PLEKHH1: variants seen among roughly 807,000 people sequenced by gnomAD.
The protein encoded by PLEKHH1 is pleckstrin homology domain-containing family H member 1.
PLEKHH1 carries 104 observed loss-of-function variants against 160.0 expected under a neutral mutation model. The observed-to-expected ratio is 0.65, with a 90% CI of 0.55 to 0.76. The LOEUF is 0.76. PLEKHH1 is among the 30% of genes least tolerant of loss of function. The pLI is 0.00. For missense variants in PLEKHH1, 1,427 were observed against 1,724.1 expected (o/e 0.83, Z 3.05); for synonymous variants, 619 against 678.4 (o/e 0.91, Z 1.36).
rs76397066 is a variant in PLEKHH1 at position 67,543,791 on chromosome 14, A to C, written c.126+1798A>C. Among the ~76,000 whole-genome samples the C allele has an allele frequency of 4.6e-3, 682 of 146,764 alleles. 16 individuals carry two copies. In the East Asian group the frequency reaches 0.063, roughly 14 times the overall value. ...TGGACAACAAAATAACAAAAAAAAAACCCACTATGAATCACCTGGAAATAC... is the reference window on the plus strand; with the variant it reads ...TGGACAACAAAATAACAAAAAAAAACCCCACTATGAATCACCTGGAAATAC... On this transcript the variant is annotated intron_variant, in intron 2 of 28. Coordinates refer to ENST00000329153, the MANE Select transcript of PLEKHH1 (RefSeq NM_020715.3).
At chr14:67,538,386 T>C (rs1250877149) in intron 1 of PLEKHH1, among the ~76,000 whole-genome samples, 1 of 152,242 alleles carries the variant, frequency 6.6e-6, no homozygotes, top group African/African-American at 2.4e-5. Flanking sequence ...TTGTGACTAA[T>C]TGTGTTCGTC....
At chr14:67,553,879 T>G (rs899926895) in intron 2 of PLEKHH1, among the ~76,000 whole-genome samples, 2 of 152,108 alleles carry the variant, frequency 1.3e-5, no homozygotes, top group South Asian at 4.1e-4. Flanking sequence ...TCAGCTTCCA[T>G]CTAGAGGTTT....
chr14:67,563,815 C>T (rs1168148033), intron 7 of PLEKHH1, among the ~76,000 whole-genome samples: 1 of 150,934 alleles, frequency 6.6e-6, no homozygotes, highest in Non-Finnish European at 1.5e-5. Flanking sequence ...CTCACTGCAA[C>T]CTCCGCCTCC....
At position 67,574,378 on chromosome 14, in the gene PLEKHH1, C is replaced by T. The variant is rs1173550083; in HGVS notation, c.2063C>T (p.Pro688Leu). Residue 688 changes from proline (P) to leucine (L), a missense_variant, in exon 14 of 29, where the codon CCC (proline) becomes CTC (leucine). Pro to Leu is a moderately conservative substitution (Grantham distance 98). Transcript: ENST00000329153. The surrounding 1 kb of genome is among the most constrained non-coding windows in gnomAD (Gnocchi z 4.2). The part of the protein sequence containing the change: ...PPALLRGGTK[P>L]TVKGWLTKVK... ...GCTCTGCTTCGGGGTGGCACCAAGC[C>T]CACCGTGAAGGGCTGGCTGACCAAG... The T allele has an allele frequency of 6.3e-7, 1 of 1,586,802 alleles. No individual in the cohort carries two copies. Among genetic ancestry groups the T allele is most frequent in the South Asian group, 1.2e-5 (1 of 86,882 alleles).
In PLEKHH1 at chr14:67,576,005, G is replaced by A. The variant is rs1352275344; in HGVS notation, c.2352G>A (p.Lys784=). ...TCCTCATTGGCACCAAGCATGAAAA[G>A]GTAAGGAAGAGGGCTGGGCCTCCAG... ...TYLLIGTKHE[K]DTWLYHLTVA... The change falls in exon 16 of 29, where the codon AAG becomes AAA. Residue 784 remains lysine, a splice_region_variant and synonymous_variant. Coordinates refer to ENST00000329153, the MANE Select transcript of PLEKHH1 (RefSeq NM_020715.3). This position sits in a 1 kb window ranked among gnomAD's most constrained non-coding sequence, Gnocchi z 4.0. 4 of 1,607,038 alleles carry A rather than the reference G, an allele frequency of 2.5e-6. No homozygotes were observed. Among genetic ancestry groups the A allele is most frequent in the Non-Finnish European group, 3.4e-6 (4 of 1,174,738 alleles).
chr14:67,538,158 C>T (rs2033814864), intron 1 of PLEKHH1, among the ~76,000 whole-genome samples: 1 of 152,100 alleles, frequency 6.6e-6, no homozygotes, highest in African/African-American at 2.4e-5. Context: ...GCTCACTTCC[C>T]CTCTCTCATT....
intron 22 of PLEKHH1, among the ~76,000 whole-genome samples, chr14:67,580,533 A>C (rs1366553555): frequency 2.0e-5 from 3 of 152,268 alleles, no homozygotes; most frequent in Non-Finnish European, 1.5e-5. Flanking sequence ...AAACTATGCC[A>C]CATACCTTCT....
chr14:67,579,313 T>G lies in PLEKHH1; in HGVS notation c.3027+2T>G. On this transcript the variant is annotated splice_donor_variant, in intron 21 of 28. Transcript: ENST00000329153. LOFTEE classifies it high-confidence loss of function. ...CACTTTACCAACGGGACTTACCATGTGAGGAGCTGGGCGTGCTCTTTGCCC... is the reference window on the plus strand; with the variant it reads ...CACTTTACCAACGGGACTTACCATGGGAGGAGCTGGGCGTGCTCTTTGCCC... 1 of 1,513,268 alleles carries G rather than the reference T, an allele frequency of 6.6e-7. No individual in the cohort carries two copies. The highest frequency in any genetic ancestry group is 8.8e-7 in the Non-Finnish European group (1 of 1,132,360). The allele number at this position is 1,513,268 out of a possible 1,614,324, so 93.7% of individuals were successfully genotyped here. A position where few individuals can be genotyped will look rare whatever the true frequency, so the allele number is the denominator to read the frequency against.
intron 24 of PLEKHH1, among the ~76,000 whole-genome samples, chr14:67,583,503 T>C (rs1211460480): frequency 6.6e-6 from 1 of 152,226 alleles, no homozygotes. Flanking sequence ...GAAAAGGCAC[T>C]TCACCTCAGC....
chr14:67,577,698 C>A (rs1442263242), intron 18 of PLEKHH1, among the ~76,000 whole-genome samples: 1 of 152,184 alleles, frequency 6.6e-6, no homozygotes, highest in Non-Finnish European at 1.5e-5. Context: ...GTTTATGTTG[C>A]TTCTGGACTG....
chr14:67,546,761 G>C (rs2034198278), intron 2 of PLEKHH1, among the ~76,000 whole-genome samples: 3 of 152,194 alleles, frequency 2.0e-5, no homozygotes, highest in Admixed American at 2.0e-4. Context: ...CAGTGACTTA[G>C]AGGCCAAGGT....
intron 2 of PLEKHH1, among the ~76,000 whole-genome samples, chr14:67,544,584 A>G (rs1345660997): frequency 1.3e-5 from 2 of 152,260 alleles, no homozygotes; most frequent in Non-Finnish European, 2.9e-5. Context: ...TTGGCAAGAG[A>G]CTATGAAATA....
Position 67,578,332 on chromosome 14 carries a change from A to G in PLEKHH1, c.2751+133A>G, listed in dbSNP as rs1382062629. ...GGGCAGCCTCTGTGCTCCAAGCTGC[A>G]TCAGTACGGCTGAGCTGTCTATGCA... On this transcript the variant is annotated intron_variant, in intron 19 of 28. Transcript: ENST00000329153. The surrounding 1 kb of genome is among the most constrained non-coding windows in gnomAD (Gnocchi z 5.0). 1.7e-5 allele frequency: 14 copies of G among 821,226 alleles called. No homozygotes were observed. Among genetic ancestry groups the G allele is most frequent in the East Asian group, 2.6e-5 (1 of 38,772 alleles). The allele number at this position is 821,226 out of a possible 1,614,324, so 50.9% of individuals were successfully genotyped here.
chr14:67,563,752 G>A (rs1480238298), intron 7 of PLEKHH1, among the ~76,000 whole-genome samples: 5 of 95,504 alleles, frequency 5.2e-5, no homozygotes, highest in Admixed American at 4.2e-4. Flanking sequence ...TTTTTTTTTC[G>A]AGACAGAGTC....
At chr14:67,570,061 T>C in intron 9 of PLEKHH1, 49 bp downstream of exon 9, 7 of 1,250,584 alleles carry the variant, frequency 5.6e-6, no homozygotes, top group Non-Finnish European at 8.0e-6. Flanking sequence ...GAAAGGCCCC[T>C]GGCCTCATCA....
intron 4 of PLEKHH1, among the ~76,000 whole-genome samples, chr14:67,558,717 T>A (rs1303916975): frequency 6.6e-6 from 1 of 152,228 alleles, no homozygotes; most frequent in East Asian, 1.9e-4. Flanking sequence ...AAGTCACTTC[T>A]TGCCATAGCC....
At position 67,579,220 on chromosome 14, in the gene PLEKHH1, G is replaced by A. The variant is rs758910064; in HGVS notation, c.2936G>A (p.Arg979His). 28 of 1,610,808 alleles carry A rather than the reference G, an allele frequency of 1.7e-5. No individual in the cohort carries two copies. The highest frequency in any genetic ancestry group is 3.4e-5 in the Admixed American group (2 of 59,334). ...GGGGAGCGGGAAGCCAGGCCATCGC[G>A]CATGGAAGTGGTGTCCATCCTGCTG... The part of the protein sequence containing the change: ...RTGEREARPS[R>H]MEVVSILLRN... Residue 979 changes from arginine to histidine, a missense_variant, in exon 21 of 29, where the codon CGC becomes CAC. Transcript: ENST00000329153.
chr14:67,539,976 G>A (rs1405029129), intron 1 of PLEKHH1, among the ~76,000 whole-genome samples: 2 of 152,194 alleles, frequency 1.3e-5, no homozygotes, highest in Admixed American at 6.5e-5. Context: ...GGAGAAGCAC[G>A]ATTGGTGATT....
In PLEKHH1 at chr14:67,575,414, T is replaced by C; in HGVS notation, c.2111T>C (p.Val704Ala). 5 of 1,609,252 alleles carry C rather than the reference T, an allele frequency of 3.1e-6. No individual in the cohort carries two copies. Among genetic ancestry groups the C allele is most frequent in the Middle Eastern group, 1.7e-4 (1 of 6,058 alleles). ...CAGGTAAAGCATGGCCACTCCAAGG[T>C]GGTCTGGTGCGCTCTTGTTGGGAAA... is the stretch of plus-strand genomic sequence containing the variant. ...LTKVKHGHSK[V>A]VWCALVGKIF... Residue 704 changes from valine (V) to alanine (A), a missense_variant, in exon 15 of 29, where the codon GTG becomes GCG. By Grantham distance (64) the Val-to-Ala change is moderately conservative. This residue lies in a region of PLEKHH1 where 831 missense variants were observed against 929.2 expected (regional missense o/e 0.89). Transcript: ENST00000329153.
Sources: allele counts gnomAD v4.1 joint callset (sites outside exome capture counted in the v4.1 genomes callset), GRCh38; gene constraint gnomAD v4.1.1; regional missense constraint gnomAD v4.1.1; non-coding constraint Gnocchi (gnomAD v3.1); transcripts MANE v1.5; gene names NCBI Gene and HGNC (gene_info 2026-07-23, HGNC 2026-07-21).